Variants in ZNF423 observed in about 807,000 individuals in gnomAD.
ZNF423 encodes zinc finger protein 423.
In ZNF423, 12 loss-of-function variants were observed where a neutral mutation model predicts 95.8. That is an observed-to-expected ratio of 0.13 (90% CI 0.08 to 0.20). The LOEUF is 0.20. ZNF423 is among the 10% of genes least tolerant of loss of function. ZNF423 has a pLI of 1.00. For synonymous variants in ZNF423, 749 were observed against 711.9 expected, an observed-to-expected ratio of 1.05 and a Z score of -0.83; for missense variants, 1,316 against 1,737.1, an observed-to-expected ratio of 0.76 and a Z score of 4.31.
At chr16:49,748,544 C>T (rs534192652) in intron 2 of ZNF423, among the ~76,000 whole-genome samples, 24 of 152,266 alleles carry the variant, frequency 1.6e-4, no homozygotes. Context: ...AAAAATTACT[C>T]CAACTCTCTC....
chr16:49,814,773 G>A (rs1401998253), intron 1 of ZNF423, among the ~76,000 whole-genome samples: 1 of 152,148 alleles, frequency 6.6e-6, no homozygotes, highest in Non-Finnish European at 1.5e-5. Flanking sequence ...TTCAAACCCA[G>A]GAGCATGACC....
intron 4 of ZNF423, among the ~76,000 whole-genome samples, chr16:49,627,323 C>G (rs1972326155): frequency 6.9e-6 from 1 of 145,886 alleles, no homozygotes; most frequent in South Asian, 2.3e-4. Context: ...ACCCACCCAT[C>G]CATCCTCCAT....
At chr16:49,601,081 G>A (rs1417477872) in intron 5 of ZNF423, among the ~76,000 whole-genome samples, 1 of 152,196 alleles carries the variant, frequency 6.6e-6, no homozygotes, top group Admixed American at 6.5e-5. Flanking sequence ...CAAAATCCTT[G>A]TCTGAGACTG....
At chr16:49,845,606 T>C (rs1311967656) in intron 1 of ZNF423, among the ~76,000 whole-genome samples, 1 of 152,036 alleles carries the variant, frequency 6.6e-6, no homozygotes, top group African/African-American at 2.4e-5. Flanking sequence ...AGTGGCATGA[T>C]CATGGCTCAC....
At chr16:49,768,118 C>G (rs1485099482) in intron 2 of ZNF423, among the ~76,000 whole-genome samples, 1 of 152,346 alleles carries the variant, frequency 6.6e-6, no homozygotes, top group South Asian at 2.1e-4. Context: ...CTGGGCTGCA[C>G]GAGGCTGGCA....
At chr16:49,630,582 G>A (rs1051850992) in intron 4 of ZNF423, among the ~76,000 whole-genome samples, 2 of 152,046 alleles carry the variant, frequency 1.3e-5, no homozygotes, top group Admixed American at 6.5e-5. Context: ...AGATGACCAC[G>A]TCCCCCCTCC....
intron 5 of ZNF423, among the ~76,000 whole-genome samples, chr16:49,531,894 C>A (rs1968858586): frequency 6.6e-6 from 1 of 152,136 alleles, no homozygotes; most frequent in Non-Finnish European, 1.5e-5. Context: ...GAGAGAAATG[C>A]AGAGTCTCAG....
chr16:49,568,329 G>GT (rs1413538760), intron 5 of ZNF423, among the ~76,000 whole-genome samples: 2 of 152,148 alleles, frequency 1.3e-5, no homozygotes, highest in African/African-American at 4.8e-5. Context: ...TACTGCAAGG[G>GT]TTTTGGCAGA....
chr16:49,592,997 G>A (rs1218841770), intron 5 of ZNF423, among the ~76,000 whole-genome samples: 1 of 152,178 alleles, frequency 6.6e-6, no homozygotes, highest in Non-Finnish European at 1.5e-5. Flanking sequence ...GCAGTCATCA[G>A]CTCACCCTCC....
intron 5 of ZNF423, among the ~76,000 whole-genome samples, chr16:49,546,827 G>A (rs1313829565): frequency 6.6e-6 from 1 of 152,084 alleles, no homozygotes; most frequent in Admixed American, 6.5e-5. Flanking sequence ...CCCTGTGAAA[G>A]AGAATTCATT....
intron 3 of ZNF423, among the ~76,000 whole-genome samples, chr16:49,646,827 C>T (rs917884064): frequency 6.6e-6 from 1 of 152,140 alleles, no homozygotes; most frequent in Non-Finnish European, 1.5e-5. Flanking sequence ...CTGCCTTGGC[C>T]TCCCAAAGTG....
intron 2 of ZNF423, among the ~76,000 whole-genome samples, chr16:49,760,578 G>T (rs1012255989): frequency 6.6e-6 from 1 of 152,100 alleles, no homozygotes; most frequent in African/African-American, 2.4e-5. Context: ...AGATGACCAA[G>T]ACATGGTCCT....
intron 5 of ZNF423, among the ~76,000 whole-genome samples, chr16:49,533,340 G>A (rs1002051181): frequency 6.6e-6 from 1 of 152,334 alleles, no homozygotes. Flanking sequence ...TCCCACACCC[G>A]AGGAAGGGCT....
At chr16:49,793,689 C>T (rs1490349235) in intron 1 of ZNF423, among the ~76,000 whole-genome samples, 2 of 152,086 alleles carry the variant, frequency 1.3e-5, no homozygotes, top group African/African-American at 2.4e-5. Context: ...CAAGTGTGTG[C>T]ACACAGAGAG....
intron 2 of ZNF423, among the ~76,000 whole-genome samples, chr16:49,738,940 A>G (rs1370310548): frequency 6.6e-6 from 1 of 151,956 alleles, no homozygotes; most frequent in Non-Finnish European, 1.5e-5. Flanking sequence ...AGTGCAGTGG[A>G]GCTGATGGAA....
At chr16:49,785,678 C>G (rs969633374) in intron 2 of ZNF423, among the ~76,000 whole-genome samples, 1 of 152,234 alleles carries the variant, frequency 6.6e-6, no homozygotes, top group Non-Finnish European at 1.5e-5. Context: ...CCAGCAGGAG[C>G]TGAGGGCCAG....
chr16:49,584,798 A>G (rs1970773371), intron 5 of ZNF423, among the ~76,000 whole-genome samples: 1 of 152,166 alleles, frequency 6.6e-6, no homozygotes, highest in Non-Finnish European at 1.5e-5. Flanking sequence ...ATTTTGATTA[A>G]ATTACCTATG....
intron 5 of ZNF423, among the ~76,000 whole-genome samples, chr16:49,578,132 C>T (rs958418623): frequency 1.1e-4 from 16 of 152,296 alleles, no homozygotes; most frequent in African/African-American, 3.4e-4. Flanking sequence ...TGAAGCCACA[C>T]AAATGGCACC....
chr16:49,820,494 A>C (rs2034924873), intron 1 of ZNF423, among the ~76,000 whole-genome samples: 1 of 152,240 alleles, frequency 6.6e-6, no homozygotes, highest in Admixed American at 6.5e-5. Flanking sequence ...ATTTCTTTCC[A>C]ACTAAGTAAC....
Sources: gnomAD v4.1 joint callset for allele counts (sites outside exome capture counted in the v4.1 genomes callset) on GRCh38, gnomAD v4.1.1 for gene constraint, MANE v1.5 for transcripts, NCBI Gene and HGNC (gene_info 2026-07-23, HGNC 2026-07-21) for gene names.